Variants in INPP5D observed in about 807,000 individuals in gnomAD.
The protein encoded by INPP5D is inositol polyphosphate-5-phosphatase D.
Under a neutral mutation model 122.9 loss-of-function variants are expected in INPP5D, and 33 were observed. That is an observed-to-expected ratio of 0.27 (90% CI 0.20 to 0.36). The LOEUF is 0.36. Among genes scored for constraint, INPP5D ranks in the 10% least tolerant of loss-of-function variants. The pLI is 1.00. For missense variants in INPP5D, 1,053 were observed against 1,412.7 expected, an observed-to-expected ratio of 0.75 and a Z score of 4.08; for synonymous variants, 584 against 576.2, an observed-to-expected ratio of 1.01 and a Z score of -0.19.
rs561621834 is a variant in INPP5D at position 233,166,493 on chromosome 2, C to T, written c.1555+2069C>T. Among the ~76,000 whole-genome samples the T allele has an allele frequency of 1.2e-4, 19 of 152,288 alleles. No individual in the cohort carries two copies. The East Asian group carries it at 3.1e-3, about 25-fold the overall frequency. On this transcript the variant is annotated intron_variant, in intron 13 of 26. Transcript: ENST00000445964. ...AGGGGCCTCCCTGAGAAGGGCAGTG[C>T]GACTGGCATCTGAGGGGTGAGGAGA...
At chr2:233,186,740 T>TTTTTTTTTTTTTTTTTTTTTTG (rs1694929148) in intron 21 of INPP5D, among the ~76,000 whole-genome samples, 1 of 103,812 alleles carries the variant, frequency 9.6e-6, no homozygotes. Flanking sequence ...TTTTTTTTTT[T>TTTTTTTTTTTTTTTTTTTTTTG]GAGACAGAGT....
At chr2:233,114,732 C>A (rs562387297) in intron 2 of INPP5D, among the ~76,000 whole-genome samples, 1 of 152,182 alleles carries the variant, frequency 6.6e-6, no homozygotes, top group Non-Finnish European at 1.5e-5. Flanking sequence ...GCAGCCACCC[C>A]GCAAACCCAC....
At chr2:233,152,871 G>C (rs1009527933) in intron 9 of INPP5D, among the ~76,000 whole-genome samples, 36 of 142,770 alleles carry the variant, frequency 2.5e-4, no homozygotes, top group Admixed American at 2.3e-3. Flanking sequence ...GCTGGGGGGG[G>C]TGTGGTGTGA....
chr2:233,083,790 G>A (rs1006489605), intron 2 of INPP5D, among the ~76,000 whole-genome samples: 1 of 152,170 alleles, frequency 6.6e-6, no homozygotes, highest in Non-Finnish European at 1.5e-5. Flanking sequence ...GGCCTCAGAC[G>A]TGTCGCATAA....
chr2:233,166,232 G>A (rs10182994), intron 13 of INPP5D, among the ~76,000 whole-genome samples: 33,443 of 151,998 alleles, frequency 0.22, 3,870 homozygotes, highest in East Asian at 0.41. Context: ...CCCCTGCCCC[G>A]CTGTGCAGAA....
intron 4 of INPP5D, among the ~76,000 whole-genome samples, chr2:233,126,303 A>C (rs1693156001): frequency 6.6e-6 from 1 of 152,238 alleles, no homozygotes; most frequent in Non-Finnish European, 1.5e-5. Flanking sequence ...CCCCCCAAAG[A>C]AATCCTAATG....
chr2:233,169,777 G>A, intron 14 of INPP5D: 1 of 634,616 alleles, frequency 1.6e-6, no homozygotes, highest in Non-Finnish European at 2.7e-6. Flanking sequence ...ATTCTCTGCT[G>A]AGCAGATGCT....
chr2:233,156,171 G>T (rs1024795954), intron 9 of INPP5D, among the ~76,000 whole-genome samples: 1 of 152,386 alleles, frequency 6.6e-6, no homozygotes, highest in African/African-American at 2.4e-5. Context: ...ACTGGGCATA[G>T]TTCCAAGACA....
At chr2:233,122,552 C>G (rs544735884) in intron 3 of INPP5D, among the ~76,000 whole-genome samples, 4 of 152,220 alleles carry the variant, frequency 2.6e-5, no homozygotes, top group Non-Finnish European at 5.9e-5. Context: ...CCTGTAACCC[C>G]AGAACTTTGG....
At chr2:233,200,096 T>A (rs1371906467) in intron 25 of INPP5D, among the ~76,000 whole-genome samples, 2 of 152,192 alleles carry the variant, frequency 1.3e-5, no homozygotes, top group African/African-American at 4.8e-5. Flanking sequence ...GCCCTGAAAC[T>A]CTGGGGAAGC....
intron 2 of INPP5D, among the ~76,000 whole-genome samples, chr2:233,088,452 C>T (rs1691909438): frequency 6.6e-6 from 1 of 152,216 alleles, no homozygotes; most frequent in Admixed American, 6.5e-5. Context: ...AGACAAGTTC[C>T]AGCAGCCACA....
rs114695765 is a variant in INPP5D at position 233,083,407 on chromosome 2, C to T, written c.198+4009C>T. ...CTGTTAAGCAGTTGTTCAACAGCTGCTGTGCCACTCAAACCCTGAGAACCT... is the reference window on the plus strand; with the variant it reads ...CTGTTAAGCAGTTGTTCAACAGCTGTTGTGCCACTCAAACCCTGAGAACCT... On this transcript the variant is annotated intron_variant, in intron 2 of 26. Coordinates refer to ENST00000445964, the MANE Select transcript of INPP5D (RefSeq NM_001017915.3). Among the ~76,000 whole-genome samples the T allele has an allele frequency of 1.0e-3, 154 of 152,282 alleles. 1 individual carries two copies. The highest frequency in any genetic ancestry group is 3.6e-3 in the African/African-American group (149 of 41,544).
chr2:233,062,582 G>A (rs574820766), intron 1 of INPP5D, among the ~76,000 whole-genome samples: 1 of 152,300 alleles, frequency 6.6e-6, no homozygotes, highest in African/African-American at 2.4e-5. Flanking sequence ...GGTGTGCAGT[G>A]TCTGCTCCTT....
intron 1 of INPP5D, among the ~76,000 whole-genome samples, chr2:233,061,775 A>C (rs773903078): frequency 1.3e-5 from 2 of 152,232 alleles, no homozygotes; most frequent in Admixed American, 1.3e-4. Flanking sequence ...AGCCACGGCC[A>C]TCTGCCCCCA....
At chr2:233,091,882 G>T (rs1692003612) in intron 2 of INPP5D, among the ~76,000 whole-genome samples, 1 of 152,210 alleles carries the variant, frequency 6.6e-6, no homozygotes, top group Admixed American at 6.5e-5. Flanking sequence ...TGTCCATCTT[G>T]CTCTCCACTG....
At chr2:233,127,744 G>T (rs1169529333) in intron 4 of INPP5D, among the ~76,000 whole-genome samples, 1 of 152,188 alleles carries the variant, frequency 6.6e-6, no homozygotes, top group Non-Finnish European at 1.5e-5. Context: ...AAGTAGCTGG[G>T]ATTACAGCCA....
At position 233,189,862 on chromosome 2, in the gene INPP5D, A is replaced by G; in HGVS notation, c.2371A>G (p.Ile791Val). 2 of 1,613,282 alleles carry G rather than the reference A, an allele frequency of 1.2e-6. No homozygotes were observed. The highest frequency in any genetic ancestry group is 2.2e-5 in the South Asian group (2 of 90,996). The change falls in exon 22 of 27, where the codon ATC (isoleucine) becomes GTC (valine). Residue 791 changes from isoleucine (I) to valine (V), a missense_variant. By Grantham distance (29) the Ile-to-Val change is conservative. Coordinates refer to ENST00000445964, the MANE Select transcript of INPP5D (RefSeq NM_001017915.3). The surrounding 1 kb of genome is among the most constrained non-coding windows in gnomAD (Gnocchi z 5.6). ...GETLPKLKPI[I>V]SDPEYLLDQH... ...CTTCTCTCTGCAGCTGAAGCCCATT[A>G]TCTCTGACCCTGAGTACCTGCTAGA...
At chr2:233,091,158 G>C (rs1210852438) in intron 2 of INPP5D, among the ~76,000 whole-genome samples, 3 of 152,106 alleles carry the variant, frequency 2.0e-5, no homozygotes, top group African/African-American at 7.2e-5. Flanking sequence ...CGTCCCTCAG[G>C]TCACTATGTG....
At chr2:233,187,274 T>C (rs1260606540) in intron 21 of INPP5D, among the ~76,000 whole-genome samples, 1 of 152,170 alleles carries the variant, frequency 6.6e-6, no homozygotes, top group Non-Finnish European at 1.5e-5. Flanking sequence ...ACAAGCTTAT[T>C]ATGAGCTTAT....
Sources: gnomAD v4.1 joint callset for allele counts (sites outside exome capture counted in the v4.1 genomes callset) on GRCh38, gnomAD v4.1.1 for gene constraint, Gnocchi (gnomAD v3.1) non-coding constraint, MANE v1.5 for transcripts, NCBI Gene and HGNC (gene_info 2026-07-23, HGNC 2026-07-21) for gene names.